Variants in DYRK4 observed in about 807,000 individuals in gnomAD.
DYRK4 encodes the protein dual specificity tyrosine-phosphorylation-regulated kinase 4.
Under a neutral mutation model 68.3 loss-of-function variants are expected in DYRK4, and 64 were observed. The observed-to-expected ratio is 0.94, with a 90% CI of 0.77 to 1.15. DYRK4 has a LOEUF of 1.15. Ranked by LOEUF, DYRK4 falls within the 50% of genes most tolerant of loss-of-function variation. The probability of loss-of-function intolerance (pLI) is 0.00; values close to 1 mark genes in which losing one functional copy is unlikely to be tolerated. For synonymous variants in DYRK4, 274 were observed against 289.9 expected, an observed-to-expected ratio of 0.95 and a Z score of 0.56; for missense variants, 740 against 764.7, an observed-to-expected ratio of 0.97 and a Z score of 0.38.
intron 1 of DYRK4, among the ~76,000 whole-genome samples, chr12:4,567,596 C>G (rs966871656): frequency 4.6e-5 from 7 of 152,138 alleles, no homozygotes; most frequent in African/African-American, 1.7e-4. Flanking sequence ...TTTCTATAGG[C>G]ATTAAACTAT....
chr12:4,596,921 T>C (rs1591801486), intron 8 of DYRK4, 192 bp downstream of exon 8: 2 of 1,432,756 alleles, frequency 1.4e-6, no homozygotes, highest in East Asian at 5.2e-5. Context: ...GGTATGCCTG[T>C]CACCTGCCAG....
Position 4,601,203 on chromosome 12 carries a change from A to T in DYRK4, c.1126+1415A>T, listed in dbSNP as rs115969124. On this transcript the variant is annotated intron_variant, in intron 10 of 14. Transcript: ENST00000543431. ...AGCATGTATATTATTAGTTTGAAGA[A>T]AAAAATAAGTCAATGCACCACATAC... 7.8e-3 allele frequency among the ~76,000 whole-genome samples: 1,182 copies of T among 152,332 alleles called. 12 individuals are homozygous for T. Among genetic ancestry groups the T allele is most frequent in the African/African-American group, 0.027 (1,106 of 41,574 alleles).
chr12:4,596,912 G>C, intron 8 of DYRK4, 183 bp downstream of exon 8: 1 of 1,441,712 alleles, frequency 6.9e-7, no homozygotes, highest in Non-Finnish European at 9.0e-7. Context: ...GGCCATCTTG[G>C]TATGCCTGTC....
intron 12 of DYRK4, 151 bp downstream of exon 12, chr12:4,607,538 T>C (rs1425625912): frequency 7.2e-6 from 6 of 833,498 alleles, no homozygotes; most frequent in Non-Finnish European, 1.1e-5. Flanking sequence ...AGCAGGGGAA[T>C]CGGATAGCAT....
intron 2 of DYRK4, among the ~76,000 whole-genome samples, chr12:4,579,338 A>T (rs1944818593): frequency 6.6e-6 from 1 of 152,144 alleles, no homozygotes; most frequent in Non-Finnish European, 1.5e-5. Context: ...TAAAACACAC[A>T]ATGGCCAAGT....
chr12:4,598,754 C>A (rs1044136174), intron 8 of DYRK4, among the ~76,000 whole-genome samples: 1 of 152,182 alleles, frequency 6.6e-6, no homozygotes, highest in Non-Finnish European at 1.5e-5. Context: ...GAAGTTTGGG[C>A]CAACCTCTTA....
chr12:4,599,207 A>G, intron 9 of DYRK4, 41 bp downstream of exon 9: 1 of 1,603,066 alleles, frequency 6.2e-7, no homozygotes, highest in Non-Finnish European at 8.5e-7. Flanking sequence ...CACTCTGGAA[A>G]TACCCATTCT....
In DYRK4 at chr12:4,593,215, G is replaced by A. The variant is rs764346695; in HGVS notation, c.627+50G>A. 6 of 1,592,632 alleles carry A rather than the reference G, an allele frequency of 3.8e-6. No individual in the cohort carries two copies. In the African/African-American group the frequency reaches 8.2e-5, roughly 22 times the overall value. On this transcript the variant is annotated intron_variant, in intron 6 of 14. Transcript: ENST00000543431. ...ACCTGCAGGGGCCCAGGGACAAGAG[G>A]TAGTCTAGAAAGGAAAAAAGCAACG...
chr12:4,608,817 C>T (rs1945184239), intron 12 of DYRK4, among the ~76,000 whole-genome samples: 1 of 152,204 alleles, frequency 6.6e-6, no homozygotes, highest in Non-Finnish European at 1.5e-5. Flanking sequence ...CTGAGCAGGG[C>T]AGTGTCCTGG....
chr12:4,601,771 A>G (rs1305751805), intron 10 of DYRK4, among the ~76,000 whole-genome samples: 1 of 152,046 alleles, frequency 6.6e-6, no homozygotes, highest in African/African-American at 2.4e-5. Flanking sequence ...TGGATTTTCA[A>G]TTTTTAAAAT....
chr12:4,591,038 T>C lies in DYRK4; in HGVS notation c.325-122T>C. 2 of 1,186,384 alleles carry C rather than the reference T, an allele frequency of 1.7e-6. No homozygotes were observed. Among genetic ancestry groups the C allele is most frequent in the Non-Finnish European group, 2.3e-6 (2 of 851,506 alleles). The allele number at this position is 1,186,384 out of a possible 1,614,324, so 73.5% of individuals were successfully genotyped here. A position where few individuals can be genotyped will look rare whatever the true frequency, so the allele number is the denominator to read the frequency against. On this transcript the variant is annotated intron_variant, in intron 4 of 14. Transcript: ENST00000543431. This position sits in a 1 kb window ranked among gnomAD's most constrained non-coding sequence, Gnocchi z 4.1. ...ACCTTCTGTCTCTTAATCGCTGTTT[T>C]CTCCCTGGAGAGGTAGGTAAAGAGC... is the stretch of plus-strand genomic sequence containing the variant.
chr12:4,595,809 G>A (rs1336339553), intron 6 of DYRK4, among the ~76,000 whole-genome samples: 1 of 152,086 alleles, frequency 6.6e-6, no homozygotes, highest in Non-Finnish European at 1.5e-5. Flanking sequence ...TACTTTATAG[G>A]TCCTAAAACA....
intron 2 of DYRK4, among the ~76,000 whole-genome samples, chr12:4,583,729 G>C (rs918873687): frequency 2.0e-5 from 3 of 152,106 alleles, no homozygotes; most frequent in Non-Finnish European, 4.4e-5. Flanking sequence ...ATGGTTGTCA[G>C]CTTGTGTTCA....
chr12:4,588,325 A>G (rs910610991), intron 2 of DYRK4, among the ~76,000 whole-genome samples: 4 of 152,350 alleles, frequency 2.6e-5, no homozygotes, highest in African/African-American at 9.6e-5. Context: ...AATGGATATT[A>G]CAGTAAATCC....
At chr12:4,596,418 T>G in intron 7 of DYRK4, 133 bp downstream of exon 7, 1 of 1,519,364 alleles carries the variant, frequency 6.6e-7, no homozygotes, top group Non-Finnish European at 8.8e-7. Flanking sequence ...TTTCTACCCG[T>G]CTGATTCCAT....
intron 10 of DYRK4, among the ~76,000 whole-genome samples, chr12:4,600,829 A>C (rs535950789): frequency 6.6e-6 from 1 of 151,336 alleles, no homozygotes; most frequent in African/African-American, 2.4e-5. Flanking sequence ...TAGTCATTGA[A>C]GTTATTAACT....
intron 13 of DYRK4, among the ~76,000 whole-genome samples, chr12:4,610,687 A>G (rs1371748360): frequency 6.6e-6 from 1 of 152,190 alleles, no homozygotes; most frequent in Non-Finnish European, 1.5e-5. Context: ...AATGATTTGC[A>G]TACACATCCA....
chr12:4,585,093 G>T (rs1399425434), intron 2 of DYRK4, among the ~76,000 whole-genome samples: 1 of 152,184 alleles, frequency 6.6e-6, no homozygotes, highest in Non-Finnish European at 1.5e-5. Context: ...TCACCGCAGT[G>T]TTCAGATCCT....
chr12:4,574,172 C>A (rs1253259600), intron 2 of DYRK4, among the ~76,000 whole-genome samples: 1 of 150,738 alleles, frequency 6.6e-6, no homozygotes, highest in Non-Finnish European at 1.5e-5. Flanking sequence ...TTGCAGTGCG[C>A]CGAGATCGCG....
Sources: gnomAD v4.1 joint callset for allele counts (sites outside exome capture counted in the v4.1 genomes callset) on GRCh38, gnomAD v4.1.1 for gene constraint, Gnocchi (gnomAD v3.1) non-coding constraint, MANE v1.5 for transcripts, NCBI Gene and HGNC (gene_info 2026-07-23, HGNC 2026-07-21) for gene names.